Variants in DNAH12 observed in about 807,000 individuals in gnomAD.
The protein encoded by DNAH12 is dynein axonemal heavy chain 12.
DNAH12 carries 285 observed loss-of-function variants against 371.5 expected under a neutral mutation model. The observed-to-expected ratio is 0.77, with a 90% confidence interval of 0.70 to 0.85. The LOEUF (loss-of-function observed/expected upper bound fraction) is 0.85. DNAH12 is among the 40% of genes least tolerant of loss of function. DNAH12 has a pLI of 0.00. For missense variants in DNAH12, 3,611 were observed against 3,689.4 expected, an observed-to-expected ratio of 0.98 and a Z score of 0.55; for synonymous variants, 1,200 against 1,213.0, an observed-to-expected ratio of 0.99 and a Z score of 0.22.
At chr3:57,451,758 T>C (rs547702356) in intron 25 of DNAH12, among the ~76,000 whole-genome samples, 3 of 152,272 alleles carry the variant, frequency 2.0e-5, no homozygotes, top group Non-Finnish European at 4.4e-5. Flanking sequence ...CATCAGGTGA[T>C]GGTCAGGTGT....
intron 49 of DNAH12, 121 bp from the exon 50 acceptor site, chr3:57,382,514 G>GTTTTTTT (rs36129650): frequency 6.7e-6 from 1 of 148,744 alleles, no homozygotes; most frequent in Non-Finnish European, 1.5e-5. Context: ...TGAAATCAAA[G>GTTTTTTT]TTTTTTTTTT....
intron 29 of DNAH12, among the ~76,000 whole-genome samples, chr3:57,440,984 T>C (rs958670313): frequency 6.6e-6 from 1 of 152,130 alleles, no homozygotes; most frequent in Non-Finnish European, 1.5e-5. Flanking sequence ...AGCAAGACCC[T>C]AACTCTAAAT....
At chr3:57,487,538 A>ATCC (rs2066975749) in intron 12 of DNAH12, among the ~76,000 whole-genome samples, 2 of 152,142 alleles carry the variant, frequency 1.3e-5, no homozygotes, top group Admixed American at 1.3e-4. Flanking sequence ...CTTCAGCAAA[A>ATCC]GAAAAGGAGG....
intron 71 of DNAH12, 97 bp from the exon 72 acceptor site, chr3:57,296,532 C>G (rs1280851778): frequency 9.4e-6 from 9 of 956,894 alleles, no homozygotes; most frequent in Non-Finnish European, 1.4e-5. Context: ...TTCAGGGAAA[C>G]TCTATTGTAT....
intron 60 of DNAH12, among the ~76,000 whole-genome samples, chr3:57,349,602 A>G (rs1289115066): frequency 3.3e-5 from 5 of 152,224 alleles, no homozygotes; most frequent in Non-Finnish European, 7.3e-5. Context: ...AGAAAATGTG[A>G]CATATATATA....
rs537260191 is a variant in DNAH12, at chr3:57,301,055, C to T, written c.11394+680G>A. Among the ~76,000 whole-genome samples the T allele has an allele frequency of 2.0e-5, 3 of 151,844 alleles. No individual in the cohort carries two copies. The South Asian group carries it at 6.3e-4, about 32-fold the overall frequency. On this transcript the variant is annotated intron_variant, in intron 70 of 73. Coordinates refer to ENST00000495027, the MANE Select transcript of DNAH12 (RefSeq NM_001366028.2). ...CTGTAATCCCAGTGCTTTGGGAGGC[C>T]AAGGTGGGAGGATTGCTTGAGGTCA...
chr3:57,363,989 A>T (rs2062993957), intron 57 of DNAH12, among the ~76,000 whole-genome samples: 1 of 152,182 alleles, frequency 6.6e-6, no homozygotes, highest in East Asian at 1.9e-4. Flanking sequence ...ATGTGGCAAT[A>T]ACATGTGCCA....
At chr3:57,548,987 A>G (rs112493310), upstream of DNAH12, 44 of 152,286 alleles carry the variant, frequency 2.9e-4, no homozygotes, top group African/African-American at 9.6e-4. Context: ...TCACTTTTTC[A>G]TAGAGAGAAG....
At chr3:57,296,085 G>C (rs2061228190) in intron 72 of DNAH12, among the ~76,000 whole-genome samples, 1 of 152,084 alleles carries the variant, frequency 6.6e-6, no homozygotes, top group Non-Finnish European at 1.5e-5. Flanking sequence ...GAAGGAAACT[G>C]TTATAAAATG....
At chr3:57,323,352 G>C in intron 63 of DNAH12, 92 bp from the exon 64 acceptor site, 2 of 1,475,440 alleles carry the variant, frequency 1.4e-6, no homozygotes. Context: ...AAAAATTCTA[G>C]TTACGTTTCT....
Position 57,314,481 on chromosome 3 carries a change from T to G in DNAH12, c.10662+13A>C. 6.4e-7 allele frequency: 1 copy of G among 1,551,004 alleles called. No homozygotes were observed. Among genetic ancestry groups the G allele is most frequent in the Non-Finnish European group, 8.7e-7 (1 of 1,146,776 alleles). ...GTGATCCTTCATGAATGTTAATTTC[T>G]TGTTAATTTTACCTGCAGTTGTCGG... On this transcript the variant is annotated intron_variant, in intron 66 of 73. Coordinates refer to ENST00000495027, the MANE Select transcript of DNAH12 (RefSeq NM_001366028.2).
rs1553683727 is a variant in DNAH12, at chr3:57,413,743, T to C, written c.6020+3A>G. 11 of 1,549,006 alleles carry C rather than the reference T, an allele frequency of 7.1e-6. No homozygotes were observed. Among genetic ancestry groups the C allele is most frequent in the Non-Finnish European group, 9.6e-6 (11 of 1,146,192 alleles). On this transcript the variant is annotated splice_donor_region_variant and intron_variant, in intron 39 of 73. Coordinates refer to ENST00000495027, the MANE Select transcript of DNAH12 (RefSeq NM_001366028.2). ...AGCATAACTTATCGAATTAAATAGT[T>C]ACCAATGTCCACAGTCAAAAAACTG... is the stretch of plus-strand genomic sequence containing the variant.
At chr3:57,426,639 G>C (rs2064776677) in intron 34 of DNAH12, among the ~76,000 whole-genome samples, 1 of 151,780 alleles carries the variant, frequency 6.6e-6, no homozygotes, top group Admixed American at 6.6e-5. Context: ...AGACCAGCCT[G>C]GCCAACATAG....
intron 29 of DNAH12, among the ~76,000 whole-genome samples, chr3:57,442,674 A>G (rs1171093894): frequency 6.6e-6 from 1 of 152,218 alleles, no homozygotes; most frequent in African/African-American, 2.4e-5. Flanking sequence ...TGCAGTATTC[A>G]TAAGAGTACA....
At chr3:57,295,714 T>A in intron 72 of DNAH12, 122 bp from the exon 73 acceptor site, 5 of 798,874 alleles carry the variant, frequency 6.3e-6, no homozygotes, top group Non-Finnish European at 5.5e-6. Context: ...GAAAAAGAAA[T>A]GTAAAAAAAG....
chr3:57,314,161 C>A (rs1352593555), intron 66 of DNAH12, among the ~76,000 whole-genome samples: 1 of 152,312 alleles, frequency 6.6e-6, no homozygotes, highest in Admixed American at 6.5e-5. Flanking sequence ...TAAGCCAACA[C>A]TGACAATGGC....
At chr3:57,437,164 AT>A (rs1226673216) in intron 29 of DNAH12, 104 bp from the exon 30 acceptor site, 1 of 724,552 alleles carries the variant, frequency 1.4e-6, no homozygotes, top group African/African-American at 1.9e-5. Flanking sequence ...AAAAACTATC[AT>A]CATTGTTTAT....
intron 44 of DNAH12, among the ~76,000 whole-genome samples, chr3:57,392,795 G>T (rs1247384242): frequency 5.9e-5 from 9 of 152,138 alleles, no homozygotes; most frequent in African/African-American, 2.2e-4. Flanking sequence ...CAAAGTGATG[G>T]GAAGAAAAGA....
At chr3:57,317,424 G>C (rs1294748939) in intron 65 of DNAH12, among the ~76,000 whole-genome samples, 1 of 152,028 alleles carries the variant, frequency 6.6e-6, no homozygotes, top group African/African-American at 2.4e-5. Context: ...CTGATTCTAT[G>C]AGTTTGACTA....
Sources: gnomAD v4.1 joint callset for allele counts (sites outside exome capture counted in the v4.1 genomes callset) on GRCh38, gnomAD v4.1.1 for gene constraint, MANE v1.5 for transcripts, NCBI Gene and HGNC (gene_info 2026-07-23, HGNC 2026-07-21) for gene names.